Variants in GEMIN4 observed in about 807,000 individuals in gnomAD.
GEMIN4 encodes gem-associated protein 4.
A neutral mutation model predicts 76.8 loss-of-function variants in GEMIN4; 59 were observed. That is an observed-to-expected ratio of 0.77 (90% CI 0.62 to 0.95). The LOEUF (loss-of-function observed/expected upper bound fraction) is 0.95, where lower values mean the gene tolerates loss of function less well. Among genes scored for constraint, GEMIN4 ranks in the 40% least tolerant of loss-of-function variants. The pLI is 0.00. For missense variants in GEMIN4, 1,311 were observed against 1,318.9 expected (o/e 0.99, Z 0.09); for synonymous variants, 562 against 559.7 (o/e 1.00, Z -0.06).
chr17:750,722 T>C (rs1904629977), intron 1 of GEMIN4, among the ~76,000 whole-genome samples: 2 of 152,084 alleles, frequency 1.3e-5, no homozygotes, highest in South Asian at 4.2e-4. Flanking sequence ...GAGAAAACAC[T>C]GACTCCAGGA....
chr17:745,439 C>T lies in GEMIN4; in HGVS notation c.2604G>A (p.Glu868=), dbSNP rs1243908528. 3.1e-6 allele frequency: 5 copies of T among 1,612,550 alleles called. No individual in the cohort carries two copies. The highest frequency in any genetic ancestry group is 1.7e-5 in the Admixed American group (1 of 59,986). The change falls in exon 2 of 2, where the codon GAG becomes GAA. Residue 868 remains glutamate, a synonymous_variant. Transcript: ENST00000319004. The surrounding 1 kb of genome is among the most constrained non-coding windows in gnomAD (Gnocchi z 4.6). The stretch of plus-strand genomic sequence containing the variant: ...TGGTCAGCTGGTGAAGGCGCTGCCA[C>T]TCCTGAGGGCTGCACCAAGGCATGA... ...VQVMPWCSPQ[E]WQRLHQLTRR...
At chr17:753,937 C>T (rs1904879748), upstream of GEMIN4, 1 of 152,192 alleles carries the variant, frequency 6.6e-6, no homozygotes. Context: ...TCCAAAAGCC[C>T]CCACTGGAAC....
At chr17:751,538 T>C (rs1177632378) in intron 1 of GEMIN4, 2 of 152,136 alleles carry the variant, frequency 1.3e-5, no homozygotes, top group Non-Finnish European at 2.9e-5. Context: ...CTCCCAGACC[T>C]TGCCTGTAAG....
chr17:747,521 C>A lies in GEMIN4; in HGVS notation c.522G>T (p.Pro174=), dbSNP rs576379215. Residue 174 remains proline, a synonymous_variant, in exon 2 of 2, where the codon CCG becomes CCT. Transcript: ENST00000319004. ...TAAACTGGGAGAGCAGGGGGTCCTG[C>A]GGGTGACCCTTGTGCTTCATCACCT... ...WWEVMKHKGH[P]QDPLLSQFSA... 3.7e-6 allele frequency: 6 copies of A among 1,613,782 alleles called. No homozygotes were observed. In the East Asian group the frequency reaches 1.3e-4, roughly 36 times the overall value.
Position 747,974 on chromosome 17 carries a change from C to T in GEMIN4, c.69G>A (p.Glu23=). The stretch of plus-strand genomic sequence containing the variant: ...CCAGTGCCTTAGGGTGGAACAGCTG[C>T]TCGGCCAGCAAGAAGCCTCCATGCA... ...TILHGGFLLA[E]QLFHPKALAE... Residue 23 remains glutamate, a synonymous_variant, in exon 2 of 2, where the codon GAG becomes GAA. Coordinates refer to ENST00000319004, the MANE Select transcript of GEMIN4 (RefSeq NM_015721.3). 6.2e-7 allele frequency: 1 copy of T among 1,612,708 alleles called. No individual in the cohort carries two copies. The highest frequency in any genetic ancestry group is 1.3e-5 in the African/African-American group (1 of 75,016).
chr17:752,630 C>T, upstream of GEMIN4: 1 of 1,013,290 alleles, frequency 9.9e-7, no homozygotes, highest in Non-Finnish European at 1.2e-6. Flanking sequence ...TCCCTCAACG[C>T]GCTCCTGCCG....
rs983669400 is a variant in GEMIN4, at chr17:752,146, G to A, written c.-4C>T. 1.6e-6 allele frequency: 2 copies of A among 1,237,142 alleles called. No homozygotes were observed. Among genetic ancestry groups the A allele is most frequent in the African/African-American group, 1.5e-5 (1 of 64,536 alleles). 76.6% of individuals were successfully genotyped at this position (1,237,142 alleles called of 1,614,324 possible). On this transcript the variant is annotated 5_prime_UTR_variant, in exon 1 of 2. Coordinates refer to ENST00000319004, the MANE Select transcript of GEMIN4 (RefSeq NM_015721.3). ...CGCGGCACCCACCTAGGTCCATGGCGGCGACGCCGGCGGCTGCGCGGGGCT... is the reference window on the plus strand; with the variant it reads ...CGCGGCACCCACCTAGGTCCATGGCAGCGACGCCGGCGGCTGCGCGGGGCT...
chr17:746,960 G>A lies in GEMIN4; in HGVS notation c.1083C>T (p.Leu361=). Residue 361 remains leucine (L), a synonymous_variant, in exon 2 of 2, where the codon CTC becomes CTT. Coordinates refer to ENST00000319004, the MANE Select transcript of GEMIN4 (RefSeq NM_015721.3). This position sits in a 1 kb window ranked among gnomAD's most constrained non-coding sequence, Gnocchi z 4.3. ...TGGACAGGCTGGTGCGGTTCAGGTAGAGCGTCGCGTTCTGGCTGAAGGAAG... is the reference window on the plus strand; with the variant it reads ...TGGACAGGCTGGTGCGGTTCAGGTAAAGCGTCGCGTTCTGGCTGAAGGAAG... ...SLTSFSQNAT[L]YLNRTSLSKE... is the part of the protein sequence containing the mutation. The A allele has an allele frequency of 2.5e-6, 4 of 1,613,402 alleles. No homozygotes were observed. Among genetic ancestry groups the A allele is most frequent in the Non-Finnish European group, 3.4e-6 (4 of 1,179,810 alleles).
chr17:746,929 C>A lies in GEMIN4; in HGVS notation c.1114G>T (p.Asp372Tyr). The stretch of plus-strand genomic sequence containing the variant: ...GCCAGCTCAGAGACCACCTGCCTGT[C>A]CTCCTTGGACAGGCTGGTGCGGTTC... Reference protein sequence around the residue: ...YLNRTSLSKEDRQVVSELAEC... With the variant: ...YLNRTSLSKEYRQVVSELAEC... Residue 372 changes from aspartate (D) to tyrosine (Y), a missense_variant, in exon 2 of 2, where the codon GAC becomes TAC. Physicochemically the swap from Asp to Tyr is radical, Grantham distance 160 (BLOSUM62 -3). Around this residue, in one of 2 missense-constraint regions of GEMIN4, gnomAD observed 1,208 missense variants for 1,166.9 expected, o/e 1.04. Transcript: ENST00000319004. The surrounding 1 kb of genome is among the most constrained non-coding windows in gnomAD (Gnocchi z 4.3). 1 of 1,613,770 alleles carries A rather than the reference C, an allele frequency of 6.2e-7. No individual in the cohort carries two copies. Among genetic ancestry groups the A allele is most frequent in the Non-Finnish European group, 8.5e-7 (1 of 1,179,854 alleles).
Position 752,244 on chromosome 17 carries a change from G to A in GEMIN4, c.-102C>T. On this transcript the variant is annotated 5_prime_UTR_variant, in exon 1 of 2. Transcript: ENST00000319004. The stretch of plus-strand genomic sequence containing the variant: ...CACGATGGGAGACGCAGGAGCCACG[G>A]CGGCCGCGCTTAGGCCTGCTCACAA... The A allele has an allele frequency of 1.6e-6, 2 of 1,228,326 alleles. No homozygotes were observed. Among genetic ancestry groups the A allele is most frequent in the South Asian group, 4.1e-5 (1 of 24,208 alleles). The allele number at this position is 1,228,326 out of a possible 1,614,324, so 76.1% of individuals were successfully genotyped here. A position where few individuals can be genotyped will look rare whatever the true frequency, so the allele number is the denominator to read the frequency against.
chr17:752,300 C>G, upstream of GEMIN4: 1 of 1,223,842 alleles, frequency 8.2e-7, no homozygotes, highest in Non-Finnish European at 1.0e-6. Flanking sequence ...CAGCCTCCGC[C>G]GCGCACGCGC....
rs1309020240 is a variant in GEMIN4 at position 744,582 on chromosome 17, T to A, written c.*284A>T. ...CCCAATTTCAGAGCATATTTAATCC[T>A]GGGCTATTGCTGAGGCCGACTTAGA... On this transcript the variant is annotated 3_prime_UTR_variant, in exon 2 of 2. Coordinates refer to ENST00000319004, the MANE Select transcript of GEMIN4 (RefSeq NM_015721.3). 1 of 311,216 alleles carries A rather than the reference T, an allele frequency of 3.2e-6. No individual in the cohort carries two copies. Among genetic ancestry groups the A allele is most frequent in the Admixed American group, 4.6e-5 (1 of 21,788 alleles). 19.3% of individuals were successfully genotyped at this position (311,216 alleles called of 1,614,324 possible).
At position 747,030 on chromosome 17, in the gene GEMIN4, C is replaced by T. The variant is rs746532696; in HGVS notation, c.1013G>A (p.Ser338Asn). The T allele has an allele frequency of 1.9e-6, 3 of 1,613,376 alleles. No individual in the cohort carries two copies. The South Asian group carries it at 3.3e-5, about 18-fold the overall frequency. ...GEELQAVLRS[S>N]QGTSYDSYRL... ...GTAGCTGTCGTAACTTGTCCCCTGG[C>T]TGCTGCGGAGCACGGCCTGCAACTC... is the stretch of plus-strand genomic sequence containing the variant. Residue 338 changes from serine (S) to asparagine (N), a missense_variant, in exon 2 of 2, where the codon AGC becomes AAC. Physicochemically the swap from Ser to Asn is conservative, Grantham distance 46. Coordinates refer to ENST00000319004, the MANE Select transcript of GEMIN4 (RefSeq NM_015721.3).
At position 747,390 on chromosome 17, in the gene GEMIN4, A is replaced by G. The variant is rs1362137448; in HGVS notation, c.653T>C (p.Met218Thr). ...DACPTMPLLA[M>T]LLRGLTQIQS... ...GATCTGTGTCAGCCCGCGGAGCAGC[A>G]TGGCCAACAGGGGCATGGTGGGGCA... The change falls in exon 2 of 2, where the codon ATG becomes ACG. Residue 218 changes from methionine to threonine, a missense_variant. Physicochemically the swap from Met to Thr is moderately conservative, Grantham distance 81. Coordinates refer to ENST00000319004, the MANE Select transcript of GEMIN4 (RefSeq NM_015721.3). The G allele has an allele frequency of 6.2e-7, 1 of 1,613,804 alleles. No individual in the cohort carries two copies. The highest frequency in any genetic ancestry group is 1.3e-5 in the African/African-American group (1 of 75,056).
Position 744,632 on chromosome 17 carries a change from G to A in GEMIN4, c.*234C>T. The A allele has an allele frequency of 6.5e-6, 3 of 462,876 alleles. No individual in the cohort carries two copies. The highest frequency in any genetic ancestry group is 7.6e-6 in the Non-Finnish European group (2 of 262,198). The allele number at this position is 462,876 out of a possible 1,614,324, so 28.7% of individuals were successfully genotyped here. ...AAGAGACAAAGTGAGATGCGAAAGA[G>A]GAGAATTTTTATGATAGTTTGTACG... On this transcript the variant is annotated 3_prime_UTR_variant, in exon 2 of 2. Transcript: ENST00000319004.
Position 744,562 on chromosome 17 carries a change from T to C in GEMIN4, c.*304A>G, listed in dbSNP as rs867724541. ...TTGATCTTGAAGACACTAAACCCAA[T>C]TTCAGAGCATATTTAATCCTGGGCT... On this transcript the variant is annotated 3_prime_UTR_variant, in exon 2 of 2. Transcript: ENST00000319004. The C allele has an allele frequency of 1.1e-5, 3 of 272,418 alleles. No homozygotes were observed. Among genetic ancestry groups the C allele is most frequent in the Non-Finnish European group, 2.1e-5 (3 of 143,888 alleles). 16.9% of individuals were successfully genotyped at this position (272,418 alleles called of 1,614,324 possible). A position where few individuals can be genotyped will look rare whatever the true frequency, so the allele number is the denominator to read the frequency against.
rs730882219 is a variant in GEMIN4, at chr17:745,591, A to C, written c.2452T>G (p.Trp818Gly). Reference protein sequence around the residue: ...GYGAGTGLLAWMECCCVSSGI... With the variant: ...GYGAGTGLLAGMECCCVSSGI... The stretch of plus-strand genomic sequence containing the variant: ...CTGGAGACGCAGCAGCACTCCATCC[A>C]GGCCAGGAGCCCCGTGCCAGCCCCG... Residue 818 changes from tryptophan to glycine, a missense_variant, in exon 2 of 2, where the codon TGG (tryptophan) becomes GGG (glycine). Trp to Gly is a radical substitution (Grantham distance 184). Transcript: ENST00000319004. This position sits in a 1 kb window ranked among gnomAD's most constrained non-coding sequence, Gnocchi z 4.6. The C allele has an allele frequency of 6.2e-7, 1 of 1,611,044 alleles. No individual in the cohort carries two copies. Among genetic ancestry groups the C allele is most frequent in the East Asian group, 2.2e-5 (1 of 44,780 alleles).
At position 745,916 on chromosome 17, in the gene GEMIN4, G is replaced by A; in HGVS notation, c.2127C>T (p.Ser709=). Residue 709 remains serine, a synonymous_variant, in exon 2 of 2, where the codon AGC becomes AGT. Transcript: ENST00000319004. This position sits in a 1 kb window ranked among gnomAD's most constrained non-coding sequence, Gnocchi z 4.6. ...TCTCCTTGGGAAGCTGCCAGTATTTGCTGAAGCGGTCCAAGAGCTGGCACA... is the reference window on the plus strand; with the variant it reads ...TCTCCTTGGGAAGCTGCCAGTATTTACTGAAGCGGTCCAAGAGCTGGCACA... ...FSLCQLLDRF[S]KYWQLPKEKR... 6.2e-7 allele frequency: 1 copy of A among 1,613,096 alleles called. No homozygotes were observed. Among genetic ancestry groups the A allele is most frequent in the Non-Finnish European group, 8.5e-7 (1 of 1,179,878 alleles).
chr17:753,243 GAACA>G (rs1385789607), upstream of GEMIN4: 3 of 36,696 alleles, frequency 8.2e-5, no homozygotes, highest in Non-Finnish European at 5.5e-5. Flanking sequence ...CGTGGAGCGC[GAACA>G]AAGGGGCGTC....
Sources: gnomAD v4.1 joint callset for allele counts (sites outside exome capture counted in the v4.1 genomes callset) on GRCh38, gnomAD v4.1.1 for gene constraint, gnomAD v4.1.1 regional missense constraint, Gnocchi (gnomAD v3.1) non-coding constraint, MANE v1.5 for transcripts, NCBI Gene and HGNC (gene_info 2026-07-23, HGNC 2026-07-21) for gene names.